The following KDR variants were observed in gnomAD, a reference collection of about 807,000 sequenced individuals.
KDR encodes kinase insert domain receptor.
Under a neutral mutation model 160.9 loss-of-function variants are expected in KDR, and 43 were observed. The ratio of observed to expected loss-of-function variants is 0.27; its 90% CI spans 0.21 to 0.34. The LOEUF (loss-of-function observed/expected upper bound fraction) is 0.34, where lower values mean the gene tolerates loss of function less well. Among genes scored for constraint, KDR ranks in the 10% least tolerant of loss-of-function variants. The pLI, the probability that KDR is intolerant of heterozygous loss-of-function variation, is 1.00. For synonymous variants in KDR, 617 were observed against 600.1 expected, an observed-to-expected ratio of 1.03 and a Z score of -0.41; for missense variants, 1,469 against 1,666.4, an observed-to-expected ratio of 0.88 and a Z score of 2.06.
chr4:55,121,140 T>C lies in KDR; in HGVS notation c.118A>G (p.Ile40Val), dbSNP rs777565305. 7 of 1,613,806 alleles carry C rather than the reference T, an allele frequency of 4.3e-6. No homozygotes were observed. The highest frequency in any genetic ancestry group is 5.9e-6 in the Non-Finnish European group (7 of 1,179,734). ...DLPRLSIQKD[I>V]LTIKANTTLQ... ...GTTGTATTAGCCTTAATTGTAAGTATGTCTTTTTGTATGCTGAGCCTGGGC... is the reference window on the plus strand; with the variant it reads ...GTTGTATTAGCCTTAATTGTAAGTACGTCTTTTTGTATGCTGAGCCTGGGC... The change falls in exon 2 of 30, where the codon ATA (isoleucine) becomes GTA (valine). Residue 40 changes from isoleucine to valine, a missense_variant. Coordinates refer to ENST00000263923, the MANE Select transcript of KDR (RefSeq NM_002253.4).
At chr4:55,122,713 T>A (rs1409949101) in intron 1 of KDR, 1 of 152,226 alleles carries the variant, frequency 6.6e-6, no homozygotes, top group Non-Finnish European at 1.5e-5. Flanking sequence ...TATCAATATA[T>A]CTCAGAAATT....
rs1415867281 is a variant in KDR at position 55,094,839 on chromosome 4, C to T, written c.2934G>A (p.Val978=). The stretch of plus-strand genomic sequence containing the variant: ...CTACATCACTGAGGGACTTCTCCTC[C>T]ACAAATCCAGAGCTGGCTGAGCTCT... ...SSQSSASSGF[V]EEKSLSDVEE... The change falls in exon 21 of 30, where the codon GTG becomes GTA. Residue 978 remains valine (V), a synonymous_variant. Transcript: ENST00000263923. The T allele has an allele frequency of 6.2e-7, 1 of 1,613,998 alleles. No individual in the cohort carries two copies. Among genetic ancestry groups the T allele is most frequent in the South Asian group, 1.1e-5 (1 of 91,074 alleles).
intron 28 of KDR, among the ~76,000 whole-genome samples, chr4:55,082,276 G>A (rs1719753883): frequency 6.6e-6 from 1 of 152,200 alleles, no homozygotes; most frequent in South Asian, 2.1e-4. Flanking sequence ...GAGAATGCCT[G>A]TTACCATCGC....
rs1245496127 is a variant in KDR at position 55,104,664 on chromosome 4, C to T, written c.1966G>A (p.Val656Ile). ...CTACCTAGGACTGTGAGCTGCCTGA[C>T]CACGCAATGTCTTTTCTTGGTCTTC... ...DRKTKKRHCV[V>I]RQLTVLERVA... The change falls in exon 13 of 30, where the codon GTC becomes ATC. Residue 656 changes from valine (V) to isoleucine (I), a missense_variant. Val to Ile is a conservative substitution (Grantham distance 29). Coordinates refer to ENST00000263923, the MANE Select transcript of KDR (RefSeq NM_002253.4). 5 of 1,613,534 alleles carry T rather than the reference C, an allele frequency of 3.1e-6. No individual in the cohort carries two copies. Among genetic ancestry groups the T allele is most frequent in the African/African-American group, 2.7e-5 (2 of 74,902 alleles).
intron 26 of KDR, among the ~76,000 whole-genome samples, chr4:55,088,389 T>C (rs1442622536): frequency 6.6e-6 from 1 of 152,214 alleles, no homozygotes; most frequent in Non-Finnish European, 1.5e-5. Context: ...TAAGAGGCAT[T>C]GACTAGAGAT....
In KDR at chr4:55,098,719, A is replaced by C; in HGVS notation, c.2351T>G (p.Ile784Ser). ...TACCCGCTTAACGGTCCGTAGGATG[A>C]TGACAAGAAGTAGCCAGAAGAACAT... ...IAMFFWLLLV[I>S]ILRTVKRANG... The change falls in exon 16 of 30, where the codon ATC becomes AGC. Residue 784 changes from isoleucine (I) to serine (S), a missense_variant. Physicochemically the swap from Ile to Ser is moderately radical, Grantham distance 142 (BLOSUM62 -2). Coordinates refer to ENST00000263923, the MANE Select transcript of KDR (RefSeq NM_002253.4). 6.2e-7 allele frequency: 1 copy of C among 1,613,008 alleles called. No homozygotes were observed. The highest frequency in any genetic ancestry group is 8.5e-7 in the Non-Finnish European group (1 of 1,179,122).
At chr4:55,080,343 TC>T (rs1719701389) in intron 29 of KDR, among the ~76,000 whole-genome samples, 180 bp from the exon 30 acceptor site, 1 of 152,238 alleles carries the variant, frequency 6.6e-6, no homozygotes. Flanking sequence ...TTTCAGGTAC[TC>T]GCATGAATTA....
At chr4:55,117,006 A>G (rs1305459788) in intron 3 of KDR, among the ~76,000 whole-genome samples, 1 of 149,470 alleles carries the variant, frequency 6.7e-6, no homozygotes, top group African/African-American at 2.4e-5. Flanking sequence ...TGTACCAATA[A>G]ACAGTGCTAG....
intron 15 of KDR, among the ~76,000 whole-genome samples, chr4:55,099,263 C>A (rs1388443513): frequency 6.6e-6 from 1 of 152,126 alleles, no homozygotes; most frequent in Non-Finnish European, 1.5e-5. Flanking sequence ...TAGCCATCCC[C>A]CCTGCCTTGG....
intron 1 of KDR, among the ~76,000 whole-genome samples, chr4:55,123,852 C>A (rs1383993475): frequency 2.0e-5 from 3 of 152,154 alleles, no homozygotes; most frequent in African/African-American, 4.8e-5. Flanking sequence ...CAATTACAGC[C>A]CAATCCAATT....
At position 55,114,219 on chromosome 4, in the gene KDR, T is replaced by A; in HGVS notation, c.705A>T (p.Glu235Asp). 6.2e-7 allele frequency: 1 copy of A among 1,613,988 alleles called. No homozygotes were observed. Among genetic ancestry groups the A allele is most frequent in the Admixed American group, 1.7e-5 (1 of 60,010 alleles). ...AGACAAGCTTTTCTCCAACAGATAGTTCAATTCCATGAGACGGACTCAGAA... is the reference window on the plus strand; with the variant it reads ...AGACAAGCTTTTCTCCAACAGATAGATCAATTCCATGAGACGGACTCAGAA... ...DVVLSPSHGIELSVGEKLVLN... is the reference protein window; with the variant it reads ...DVVLSPSHGIDLSVGEKLVLN... The change falls in exon 6 of 30, where the codon GAA (glutamate) becomes GAT (aspartate). Residue 235 changes from glutamate to aspartate, a missense_variant. Physicochemically the swap from Glu to Asp is conservative, Grantham distance 45 (BLOSUM62 2). Transcript: ENST00000263923.
At chr4:55,125,198 G>C in intron 1 of KDR, 29 bp downstream of exon 1, 1 of 1,604,244 alleles carries the variant, frequency 6.2e-7, no homozygotes, top group South Asian at 1.1e-5. Flanking sequence ...CGACCTGTCT[G>C]CCTTCCTCCT....
chr4:55,116,550 G>A (rs1720740503), intron 3 of KDR, among the ~76,000 whole-genome samples: 1 of 152,090 alleles, frequency 6.6e-6, no homozygotes, highest in African/African-American at 2.4e-5. Flanking sequence ...AAATCTCAGA[G>A]AGATAACATT....
rs746468770 is a variant in KDR at position 55,089,353 on chromosome 4, G to A, written c.3404+21C>T. The A allele has an allele frequency of 3.3e-6, 5 of 1,535,298 alleles. No individual in the cohort carries two copies. In the African/African-American group the frequency reaches 6.8e-5, roughly 21 times the overall value. Reference sequence around the variant, plus strand: ...TTGCGAGCAAAGAAAGAGAACACAGGAATACTTCTTAAAGTCTTACATTTC... The same window carrying A: ...TTGCGAGCAAAGAAAGAGAACACAGAAATACTTCTTAAAGTCTTACATTTC... On this transcript the variant is annotated intron_variant, in intron 25 of 29. Coordinates refer to ENST00000263923, the MANE Select transcript of KDR (RefSeq NM_002253.4).
chr4:55,125,562 C>T lies in KDR; in HGVS notation c.-269G>A. ...AGGCAGAGGAAACGCAGCGACCACA[C>T]ATTGACCGCTCTCCCGGGGTCCCGG... On this transcript the variant is annotated 5_prime_UTR_variant, in exon 1 of 30. It adds an upstream start codon to the 5' untranslated region. Coordinates refer to ENST00000263923, the MANE Select transcript of KDR (RefSeq NM_002253.4). 1 of 593,780 alleles carries T rather than the reference C, an allele frequency of 1.7e-6. No homozygotes were observed. The highest frequency in any genetic ancestry group is 3.0e-6 in the Non-Finnish European group (1 of 332,594). 36.8% of individuals were successfully genotyped at this position (593,780 alleles called of 1,614,324 possible).
In KDR at chr4:55,102,021, T is replaced by A. The variant is rs761751529; in HGVS notation, c.2142A>T (p.Val714=). The A allele has an allele frequency of 6.2e-7, 1 of 1,613,620 alleles. No homozygotes were observed. Among genetic ancestry groups the A allele is most frequent in the South Asian group, 1.1e-5 (1 of 91,086 alleles). The part of the protein sequence containing the change: ...NETLVEDSGI[V]LKDGNRNLTI... The stretch of plus-strand genomic sequence containing the variant: ...TGAGGTTCCGGTTCCCATCCTTCAA[T>A]ACAATGCCTAACAGAGGAAGAAAAC... The change falls in exon 15 of 30, where the codon GTA becomes GTT. Residue 714 remains valine, a synonymous_variant. Transcript: ENST00000263923.
chr4:55,102,167 C>G lies in KDR; in HGVS notation c.2135-139G>C. Reference sequence around the variant, plus strand: ...CTGTAGAGTCACATGGGATCTACTGCTGACTAATCTCCTATATGGCTTTCA... The same window carrying G: ...CTGTAGAGTCACATGGGATCTACTGGTGACTAATCTCCTATATGGCTTTCA... On this transcript the variant is annotated intron_variant, in intron 14 of 29. Transcript: ENST00000263923. 4 of 1,321,858 alleles carry G rather than the reference C, an allele frequency of 3.0e-6. No individual in the cohort carries two copies. The South Asian group carries it at 4.8e-5, about 16-fold the overall frequency. The allele number at this position is 1,321,858 out of a possible 1,614,324, so 81.9% of individuals were successfully genotyped here.
At chr4:55,090,571 G>A (rs1007802659) in intron 22 of KDR, among the ~76,000 whole-genome samples, 1 of 152,142 alleles carries the variant, frequency 6.6e-6, no homozygotes, top group African/African-American at 2.4e-5. Flanking sequence ...AATTCCCAAT[G>A]TGGCTTCCCC....
At chr4:55,100,801 A>T (rs924047676) in intron 15 of KDR, among the ~76,000 whole-genome samples, 5 of 152,186 alleles carry the variant, frequency 3.3e-5, no homozygotes, top group African/African-American at 1.2e-4. Context: ...GGATGAGTTC[A>T]TAGAAATCCA....
Sources: gnomAD v4.1 joint callset for allele counts (sites outside exome capture counted in the v4.1 genomes callset) on GRCh38, gnomAD v4.1.1 for gene constraint, MANE v1.5 for transcripts, NCBI Gene and HGNC (gene_info 2026-07-23, HGNC 2026-07-21) for gene names.